NDUFAF2: variants seen among roughly 807,000 people sequenced by gnomAD.
NDUFAF2 encodes NADH:ubiquinone oxidoreductase complex assembly factor 2.
A neutral mutation model predicts 22.8 loss-of-function variants in NDUFAF2; 13 were observed. The observed-to-expected ratio is 0.57, with a 90% CI of 0.37 to 0.91. The LOEUF (loss-of-function observed/expected upper bound fraction) is 0.91, where lower values mean the gene tolerates loss of function less well. NDUFAF2 is among the 40% of genes least tolerant of loss of function. NDUFAF2 has a pLI of 0.01. For synonymous variants in NDUFAF2, 53 were observed against 64.2 expected, an observed-to-expected ratio of 0.83 and a Z score of 0.84; for missense variants, 162 against 195.2, an observed-to-expected ratio of 0.83 and a Z score of 1.01.
At chr5:61,045,203 T>G (rs1435495341) in intron 1 of NDUFAF2, among the ~76,000 whole-genome samples, 3 of 106,364 alleles carry the variant, frequency 2.8e-5, no homozygotes, top group African/African-American at 3.8e-5. Flanking sequence ...TTATTAAATT[T>G]TAATAAAATA....
chr5:61,097,376 A>G (rs1425826029), intron 2 of NDUFAF2, among the ~76,000 whole-genome samples: 1 of 150,984 alleles, frequency 6.6e-6, no homozygotes, highest in Non-Finnish European at 1.5e-5. Context: ...GGGCAAAATC[A>G]TCTAACACAA....
intron 2 of NDUFAF2, among the ~76,000 whole-genome samples, chr5:61,074,882 AG>A (rs780371179): frequency 8.5e-5 from 13 of 152,338 alleles, no homozygotes; most frequent in Middle Eastern, 3.4e-3. Context: ...TCATGGCAGA[AG>A]GCGAAGGGGA....
chr5:61,114,429 C>T (rs1752881611), intron 3 of NDUFAF2: 1 of 152,028 alleles, frequency 6.6e-6, no homozygotes, highest in African/African-American at 2.4e-5. Flanking sequence ...ATAGTGAATT[C>T]CTCCTCTGTG....
intron 1 of NDUFAF2, among the ~76,000 whole-genome samples, chr5:60,959,015 A>G (rs1389579555): frequency 6.6e-6 from 1 of 152,104 alleles, no homozygotes; most frequent in African/African-American, 2.4e-5. Flanking sequence ...ATGTAATTGT[A>G]ATCCTGCATT....
chr5:60,993,510 G>A (rs1187422275), intron 1 of NDUFAF2, among the ~76,000 whole-genome samples: 1 of 152,194 alleles, frequency 6.6e-6, no homozygotes, highest in East Asian at 1.9e-4. Context: ...AAGGTGAAGA[G>A]GAGCATCACT....
chr5:61,106,482 T>C (rs1377547161), intron 3 of NDUFAF2, among the ~76,000 whole-genome samples: 1 of 151,484 alleles, frequency 6.6e-6, no homozygotes, highest in Non-Finnish European at 1.5e-5. Flanking sequence ...CAATGCGTAA[T>C]AATCACATCA....
intron 3 of NDUFAF2, among the ~76,000 whole-genome samples, chr5:61,121,909 C>T (rs964008940): frequency 6.6e-6 from 1 of 151,290 alleles, no homozygotes. Context: ...CAGCTCACTG[C>T]AACCTCTGCC....
chr5:61,108,612 G>A (rs1276749397), intron 3 of NDUFAF2, among the ~76,000 whole-genome samples: 2 of 151,512 alleles, frequency 1.3e-5, no homozygotes, highest in African/African-American at 2.4e-5. Flanking sequence ...TAAAGTCTTC[G>A]ATCCATTTTG....
intron 1 of NDUFAF2, among the ~76,000 whole-genome samples, chr5:61,065,934 TA>T (rs1014608919): frequency 6.6e-6 from 1 of 151,344 alleles, no homozygotes; most frequent in Admixed American, 6.6e-5. Flanking sequence ...ATCCTATATA[TA>T]AAAAAAATTT....
chr5:61,046,717 A>G (rs1470257530), intron 1 of NDUFAF2, among the ~76,000 whole-genome samples: 1 of 152,144 alleles, frequency 6.6e-6, no homozygotes, highest in Non-Finnish European at 1.5e-5. Flanking sequence ...AGTTTTAAAG[A>G]CCAAAGTAAA....
At chr5:61,082,824 A>G (rs1580126469) in intron 2 of NDUFAF2, among the ~76,000 whole-genome samples, 1 of 152,200 alleles carries the variant, frequency 6.6e-6, no homozygotes, top group Non-Finnish European at 1.5e-5. Context: ...TAGTGCTGCA[A>G]TAACCGTGCG....
chr5:61,023,904 G>A (rs1479645), intron 1 of NDUFAF2, among the ~76,000 whole-genome samples: 62,012 of 151,968 alleles, frequency 0.41, 13,543 homozygotes, highest in East Asian at 0.81. Flanking sequence ...ATTTAAAGGT[G>A]TATGTCCAAG....
At chr5:61,079,569 A>G (rs16878559) in intron 2 of NDUFAF2, among the ~76,000 whole-genome samples, 1,919 of 152,346 alleles carry the variant, frequency 0.013, 19 homozygotes, top group South Asian at 0.039. Flanking sequence ...CTTCCAGAAC[A>G]ATTTGGTTGA....
chr5:61,113,398 T>C (rs760813412), intron 3 of NDUFAF2, among the ~76,000 whole-genome samples: 7 of 152,294 alleles, frequency 4.6e-5, no homozygotes, highest in Admixed American at 3.9e-4. Flanking sequence ...CTCCTTCATG[T>C]TTGAAAGCTA....
intron 3 of NDUFAF2, among the ~76,000 whole-genome samples, chr5:61,134,929 AC>A (rs1388197072): frequency 6.6e-6 from 1 of 152,082 alleles, no homozygotes; most frequent in East Asian, 1.9e-4. Context: ...TATTCCAAGG[AC>A]AAAAAGAAAG....
At chr5:61,018,727 A>G (rs1751542569) in intron 1 of NDUFAF2, among the ~76,000 whole-genome samples, 1 of 152,088 alleles carries the variant, frequency 6.6e-6, no homozygotes, top group African/African-American at 2.4e-5. Context: ...CTCTATATGG[A>G]GGTTCCCTAA....
intron 1 of NDUFAF2, among the ~76,000 whole-genome samples, chr5:61,059,246 T>C (rs1036743145): frequency 3.9e-5 from 6 of 152,112 alleles, no homozygotes; most frequent in African/African-American, 1.2e-4. Flanking sequence ...CAGATGTTTT[T>C]AGAACTTTGA....
At chr5:61,090,455 A>G (rs1465762023) in intron 2 of NDUFAF2, among the ~76,000 whole-genome samples, 1 of 152,050 alleles carries the variant, frequency 6.6e-6, no homozygotes, top group Non-Finnish European at 1.5e-5. Context: ...TTTTGCAACC[A>G]TTAAAAAAAT....
At chr5:60,971,286 C>CTTTTTTTTT (rs70977817) in intron 1 of NDUFAF2, among the ~76,000 whole-genome samples, 1 of 144,314 alleles carries the variant, frequency 6.9e-6, no homozygotes, top group Admixed American at 6.9e-5. Context: ...TTCTTTCTTT[C>CTTTTTTTTT]TTTTTTTTTT....
Sources: allele counts gnomAD v4.1 joint callset (sites outside exome capture counted in the v4.1 genomes callset), GRCh38; gene constraint gnomAD v4.1.1; transcripts MANE v1.5; gene names NCBI Gene and HGNC (gene_info 2026-07-23, HGNC 2026-07-21).